The following ZAN variants were observed in gnomAD, a reference collection of about 807,000 sequenced individuals.
ZAN encodes zonadhesin.
A neutral mutation model predicts 286.2 loss-of-function variants in ZAN; 260 were observed. The observed-to-expected ratio is 0.91, with a 90% CI of 0.82 to 1.01. ZAN has a LOEUF of 1.01. ZAN is among the 50% of genes least tolerant of loss of function. ZAN has a pLI of 0.00. For synonymous variants in ZAN, 1,368 were observed against 1,417.5 expected, an observed-to-expected ratio of 0.97 and a Z score of 0.79; for missense variants, 3,410 against 3,639.2, an observed-to-expected ratio of 0.94 and a Z score of 1.62.
intron 35 of ZAN, among the ~76,000 whole-genome samples, chr7:100,784,218 C>T (rs1284342191): frequency 6.6e-6 from 1 of 150,770 alleles, no homozygotes; most frequent in Non-Finnish European, 1.5e-5. Flanking sequence ...CAACCTCTGC[C>T]TCCCAGGTTC....
chr7:100,783,344 C>CT (rs1429131984), intron 35 of ZAN, among the ~76,000 whole-genome samples: 4 of 151,690 alleles, frequency 2.6e-5, no homozygotes, highest in South Asian at 4.2e-4. Context: ...ACTGATGGCT[C>CT]TTTTTTTTAG....
chr7:100,779,435 T>A lies in ZAN; in HGVS notation c.6318-11T>A. On this transcript the variant is annotated splice_polypyrimidine_tract_variant and intron_variant, in intron 34 of 47. Transcript: ENST00000613979. The stretch of plus-strand genomic sequence containing the variant: ...ACGGCTGTCCCTAGGCTGATTCTTT[T>A]CCCTTCCCAGTTGTCAGAGTCTCCT... 6.3e-7 allele frequency: 1 copy of A among 1,596,212 alleles called. No individual in the cohort carries two copies. The highest frequency in any genetic ancestry group is 8.5e-7 in the Non-Finnish European group (1 of 1,170,406).
In ZAN at chr7:100,734,469, A is replaced by T. The variant is rs1022237899; in HGVS notation, c.53+248A>T. On this transcript the variant is annotated intron_variant, in intron 2 of 47. Transcript: ENST00000613979. The stretch of plus-strand genomic sequence containing the variant: ...CTCGTCTCTACTAAAAATACAAAAA[A>T]TTAGCCAGGCGTGGTGGTGTGCACC... Among the ~76,000 whole-genome samples, 33 of 139,686 alleles carry T rather than the reference A, an allele frequency of 2.4e-4. 9 individuals carry two copies. The highest frequency in any genetic ancestry group is 6.8e-4 in the African/African-American group (26 of 38,272). 91.6% of individuals were successfully genotyped at this position (139,686 alleles called of 152,430 possible).
At chr7:100,769,730 A>C (rs1051834305) in intron 27 of ZAN, 150 bp from the exon 28 acceptor site, 24 of 615,308 alleles carry the variant, frequency 3.9e-5, no homozygotes, top group Non-Finnish European at 5.5e-5. Flanking sequence ...AATTTTGTGT[A>C]GAGATAGGAT....
intron 19 of ZAN, among the ~76,000 whole-genome samples, chr7:100,761,693 T>A (rs1486530837): frequency 6.6e-6 from 1 of 151,780 alleles, no homozygotes; most frequent in Non-Finnish European, 1.5e-5. Context: ...ACACCTGTAA[T>A]CCCAGCACTC....
intron 7 of ZAN, 82 bp from the exon 8 acceptor site, chr7:100,746,456 C>A: frequency 6.6e-7 from 1 of 1,524,024 alleles, no homozygotes; most frequent in Non-Finnish European, 8.9e-7. Context: ...GAGACAAGTC[C>A]ACAGCCTCCT....
intron 19 of ZAN, 26 bp from the exon 20 acceptor site, chr7:100,762,189 C>T (rs368567203): frequency 6.0e-5 from 97 of 1,611,120 alleles, no homozygotes; most frequent in African/African-American, 3.9e-4. Flanking sequence ...TCTCCATTAA[C>T]GCCAGCTCCT....
Position 100,792,623 on chromosome 7 carries a change from T to C in ZAN, c.7787+144T>C, listed in dbSNP as rs567764545. The C allele has an allele frequency of 2.7e-6, 4 of 1,461,228 alleles. No individual in the cohort carries two copies. The East Asian group carries it at 7.7e-5, about 28-fold the overall frequency. 90.5% of individuals were successfully genotyped at this position (1,461,228 alleles called of 1,614,324 possible). A position where few individuals can be genotyped will look rare whatever the true frequency, so the allele number is the denominator to read the frequency against. On this transcript the variant is annotated intron_variant, in intron 42 of 47. Transcript: ENST00000613979. The stretch of plus-strand genomic sequence containing the variant: ...GCTGAACGCTCTTCCCACCATTGCC[T>C]CATCTCGGGCTTTCTGTCTTAGTCC...
At chr7:100,775,274 A>G (rs1584608842) in intron 31 of ZAN, 54 bp from the exon 32 acceptor site, 1 of 1,586,556 alleles carries the variant, frequency 6.3e-7, no homozygotes, top group Admixed American at 1.8e-5. Flanking sequence ...TTTCCCAGGG[A>G]CCCTGTACCT....
Position 100,797,241 on chromosome 7 carries a change from A to G in ZAN, c.8267-125A>G, listed in dbSNP as rs1812419265. The G allele has an allele frequency of 5.9e-6, 5 of 845,154 alleles. No homozygotes were observed. The South Asian group carries it at 8.0e-5, about 14-fold the overall frequency. The allele number at this position is 845,154 out of a possible 1,614,324, so 52.4% of individuals were successfully genotyped here. A position where few individuals can be genotyped will look rare whatever the true frequency, so the allele number is the denominator to read the frequency against. On this transcript the variant is annotated intron_variant, in intron 45 of 47. Coordinates refer to ENST00000613979, the MANE Select transcript of ZAN (RefSeq NM_003386.3). ...GAACCTCCTGGAGGAAGAAGCAGAC[A>G]CACCTAGAGATTTAGAGAGATGAGG...
In ZAN at chr7:100,784,547, C is replaced by A. The variant is rs576024762; in HGVS notation, c.6623-76C>A. ...AGCCTTGTTGGTCATCCACCCATAG[C>A]TTGGTTTGTACAGCCCCTGCCCACC... On this transcript the variant is annotated intron_variant, in intron 35 of 47. Coordinates refer to ENST00000613979, the MANE Select transcript of ZAN (RefSeq NM_003386.3). 1.8e-5 allele frequency: 26 copies of A among 1,467,754 alleles called. No individual in the cohort carries two copies. In the East Asian group the frequency reaches 5.5e-4, roughly 31 times the overall value. The allele number at this position is 1,467,754 out of a possible 1,614,324, so 90.9% of individuals were successfully genotyped here.
At chr7:100,756,799 G>T (rs111237924) in intron 15 of ZAN, among the ~76,000 whole-genome samples, 2 of 151,388 alleles carry the variant, frequency 1.3e-5, no homozygotes, top group Non-Finnish European at 2.9e-5. Context: ...ACAGAGTTTC[G>T]CTCTTGTTGC....
intron 44 of ZAN, among the ~76,000 whole-genome samples, chr7:100,794,582 C>A (rs1359331094): frequency 6.6e-6 from 1 of 151,970 alleles, no homozygotes; most frequent in Non-Finnish European, 1.5e-5. Context: ...GCCTGTAATC[C>A]CAGCATTTTT....
chr7:100,760,933 G>C (rs1318979815), intron 19 of ZAN, among the ~76,000 whole-genome samples: 4 of 152,130 alleles, frequency 2.6e-5, no homozygotes, highest in African/African-American at 9.7e-5. Context: ...CTCTCGCTCT[G>C]TTCCCTAGGC....
At chr7:100,736,115 G>C (rs2115568101) in intron 3 of ZAN, among the ~76,000 whole-genome samples, 1 of 142,236 alleles carries the variant, frequency 7.0e-6, no homozygotes. Flanking sequence ...CCAGGAGTTT[G>C]AGAGCAGCCT....
At chr7:100,792,982 C>CAAAAAAAAAAAAAAAAAA (rs1232116032) in intron 42 of ZAN, among the ~76,000 whole-genome samples, 10 of 50,952 alleles carry the variant, frequency 2.0e-4, no homozygotes, top group Admixed American at 3.0e-4. Flanking sequence ...CATCCTATCT[C>CAAAAAAAAAAAAAAAAAA]AAAAAAAAAA....
chr7:100,752,972 C>G lies in ZAN; in HGVS notation c.2867C>G (p.Thr956Ser), dbSNP rs757331538. Residue 956 changes from threonine (T) to serine (S), a missense_variant, in exon 14 of 48, where the codon ACC becomes AGC. Transcript: ENST00000613979. ...EKPTISPEKL[T>S]IPTEKPTIST... ...CCCACCATCTCCCCAGAAAAACTCA[C>G]CATCCCCACAGAAAAACCCACCATC... 2 of 1,610,060 alleles carry G rather than the reference C, an allele frequency of 1.2e-6. No individual in the cohort carries two copies. Among genetic ancestry groups the G allele is most frequent in the Admixed American group, 1.7e-5 (1 of 59,524 alleles).
In ZAN at chr7:100,772,002, C is replaced by T. The variant is rs534817290; in HGVS notation, c.5407C>T (p.Arg1803Trp). Residue 1803 changes from arginine to tryptophan, a missense_variant, in exon 29 of 48, where the codon CGG (arginine) becomes TGG (tryptophan). By Grantham distance (101) the Arg-to-Trp change is moderately radical. Around this residue, in one of 7 missense-constraint regions of ZAN, gnomAD observed 1,289 missense variants for 1,314.3 expected, o/e 0.98. Transcript: ENST00000613979. ...CAQAGQAPAW[R>W]NRTFCPMRCP... ...CCAGGCTGGCCAGGCCCCTGCCTGG[C>T]GGAACAGAACCTTCTGCCGTGAGTG... 2.9e-5 allele frequency: 46 copies of T among 1,601,564 alleles called. No individual in the cohort carries two copies. The highest frequency in any genetic ancestry group is 9.4e-5 in the African/African-American group (7 of 74,846).
At chr7:100,765,607 T>C in intron 23 of ZAN, 53 bp downstream of exon 23, 1 of 1,528,242 alleles carries the variant, frequency 6.5e-7, no homozygotes, top group Non-Finnish European at 8.9e-7. Context: ...GCCTGCTCCC[T>C]GCTCTCACAC....
Sources: allele counts gnomAD v4.1 joint callset (sites outside exome capture counted in the v4.1 genomes callset), GRCh38; gene constraint gnomAD v4.1.1; regional missense constraint gnomAD v4.1.1; transcripts MANE v1.5; gene names NCBI Gene and HGNC (gene_info 2026-07-23, HGNC 2026-07-21).